Variants in FGGY observed in about 807,000 individuals in gnomAD.
FGGY encodes FGGY carbohydrate kinase domain containing.
A neutral mutation model predicts 71.3 loss-of-function variants in FGGY; 72 were observed. That is an observed-to-expected ratio of 1.01 (90% confidence interval 0.84 to 1.23). The LOEUF is 1.23. FGGY is among the 50% of genes most tolerant of loss of function. FGGY has a pLI of 0.00. For missense variants in FGGY, 668 were observed against 682.3 expected, an observed-to-expected ratio of 0.98 and a Z score of 0.23; for synonymous variants, 251 against 250.3, an observed-to-expected ratio of 1.00 and a Z score of -0.02.
chr1:59,686,752 G>A (rs771860517), intron 14 of FGGY, among the ~76,000 whole-genome samples: 1 of 151,844 alleles, frequency 6.6e-6, no homozygotes, highest in Non-Finnish European at 1.5e-5. Flanking sequence ...GTAATAAATC[G>A]AGCTGTATTT....
chr1:59,673,967 G>A, intron 13 of FGGY, 72 bp from the exon 14 acceptor site: 1 of 1,376,408 alleles, frequency 7.3e-7, no homozygotes, highest in Non-Finnish European at 1.0e-6. Context: ...TTTTGCCACT[G>A]CGGCTGCTTG....
rs747580458 is a variant in FGGY at position 59,607,900 on chromosome 1, C to T, written c.1001C>T (p.Thr334Ile). 20 of 1,613,630 alleles carry T rather than the reference C, an allele frequency of 1.2e-5. No homozygotes were observed. The highest frequency in any genetic ancestry group is 1.7e-6 in the Non-Finnish European group (2 of 1,179,610). The change falls in exon 9 of 16, where the codon ACT becomes ATT. Residue 334 changes from threonine to isoleucine, a missense_variant. Thr to Ile is a moderately conservative substitution (Grantham distance 89). Coordinates refer to ENST00000303721, the MANE Select transcript of FGGY (RefSeq NM_018291.5). Reference protein sequence around the residue: ...FWLNEGGQSVTGKLIDHMVQG... With the variant: ...FWLNEGGQSVIGKLIDHMVQG... ...CTGAATGAAGGTGGTCAGAGCGTTACTGGAAAATTGGTAAGTTGACACTTT... is the reference window on the plus strand; with the variant it reads ...CTGAATGAAGGTGGTCAGAGCGTTATTGGAAAATTGGTAAGTTGACACTTT...
At chr1:59,614,482 A>G (rs1365588394) in intron 9 of FGGY, among the ~76,000 whole-genome samples, 2 of 152,230 alleles carry the variant, frequency 1.3e-5, no homozygotes, top group African/African-American at 4.8e-5. Flanking sequence ...TAAATTAGGT[A>G]TTTATGGGAC....
intron 14 of FGGY, among the ~76,000 whole-genome samples, chr1:59,688,719 C>A (rs2153999376): frequency 6.6e-6 from 1 of 151,700 alleles, no homozygotes; most frequent in South Asian, 2.1e-4. Context: ...AGAACTGGAC[C>A]ATATGTAGTA....
chr1:59,512,995 A>G (rs1338151194), intron 7 of FGGY, among the ~76,000 whole-genome samples: 2 of 152,204 alleles, frequency 1.3e-5, no homozygotes, highest in Non-Finnish European at 2.9e-5. Flanking sequence ...AAAACCAAAT[A>G]AAACCAAAGT....
intron 4 of FGGY, among the ~76,000 whole-genome samples, chr1:59,372,225 A>C (rs528315418): frequency 6.6e-6 from 1 of 152,322 alleles, no homozygotes; most frequent in Admixed American, 6.5e-5. Context: ...GATAAAGGGA[A>C]TATCACCACC....
At chr1:59,696,997 A>G (rs991428420) in intron 14 of FGGY, among the ~76,000 whole-genome samples, 2 of 152,200 alleles carry the variant, frequency 1.3e-5, no homozygotes, top group East Asian at 1.9e-4. Context: ...ATGAAAAAAA[A>G]AAACCCTTTA....
intron 7 of FGGY, among the ~76,000 whole-genome samples, chr1:59,513,996 T>A (rs2094578723): frequency 6.6e-6 from 1 of 152,242 alleles, no homozygotes; most frequent in Non-Finnish European, 1.5e-5. Context: ...GTTGGTTGAA[T>A]GCTATGTAAC....
intron 5 of FGGY, among the ~76,000 whole-genome samples, chr1:59,445,170 C>T (rs2070936933): frequency 6.6e-6 from 1 of 152,126 alleles, no homozygotes; most frequent in South Asian, 2.1e-4. Context: ...AAATAAATGG[C>T]TCTTTTGCTC....
chr1:59,372,331 C>T (rs1384083887), intron 4 of FGGY, among the ~76,000 whole-genome samples: 1 of 152,308 alleles, frequency 6.6e-6, no homozygotes, highest in East Asian at 1.9e-4. Context: ...AATTACTTGA[C>T]ACATACACTC....
chr1:59,426,507 A>G (rs2066392350), intron 5 of FGGY, among the ~76,000 whole-genome samples: 1 of 152,178 alleles, frequency 6.6e-6, no homozygotes, highest in African/African-American at 2.4e-5. Context: ...TGAAAAATAA[A>G]TTTCACAATA....
intron 14 of FGGY, among the ~76,000 whole-genome samples, chr1:59,751,547 T>C (rs2098245326): frequency 6.6e-6 from 1 of 152,266 alleles, no homozygotes; most frequent in South Asian, 2.1e-4. Flanking sequence ...GATGGCTTCA[T>C]GCTAATATTA....
intron 5 of FGGY, among the ~76,000 whole-genome samples, chr1:59,381,291 A>C (rs1048650082): frequency 2.0e-5 from 3 of 152,200 alleles, no homozygotes; most frequent in African/African-American, 7.2e-5. Flanking sequence ...TTTCGGTTCC[A>C]TGTGAACTTT....
chr1:59,335,094 A>G (rs2049219532), intron 2 of FGGY, among the ~76,000 whole-genome samples: 3 of 152,168 alleles, frequency 2.0e-5, no homozygotes, highest in African/African-American at 2.4e-5. Flanking sequence ...TATGATTTAT[A>G]TATCATAAAA....
chr1:59,709,820 G>C (rs2097781530), intron 14 of FGGY, among the ~76,000 whole-genome samples: 1 of 152,178 alleles, frequency 6.6e-6, no homozygotes, highest in Non-Finnish European at 1.5e-5. Flanking sequence ...CAGGCCTTCT[G>C]TCTCAACCTA....
At position 59,488,022 on chromosome 1, in the gene FGGY, T is replaced by A. The variant is rs1272165606; in HGVS notation, c.671-24289T>A. ...ACAATTTTAGTTCACTTTGCCTTTT[T>A]TTGTGCCATTTTAACGCAGTTGAAA... On this transcript the variant is annotated intron_variant, in intron 6 of 15. Coordinates refer to ENST00000303721, the MANE Select transcript of FGGY (RefSeq NM_018291.5). Among the ~76,000 whole-genome samples the A allele has an allele frequency of 2.6e-5, 4 of 152,196 alleles. No homozygotes were observed. The East Asian group carries it at 7.7e-4, about 29-fold the overall frequency.
At chr1:59,611,058 C>T (rs1325677311) in intron 9 of FGGY, among the ~76,000 whole-genome samples, 1 of 152,236 alleles carries the variant, frequency 6.6e-6, no homozygotes, top group Admixed American at 6.5e-5. Flanking sequence ...AGGAGACCTG[C>T]CTGCCTCTGT....
chr1:59,692,011 AC>A (rs1244249492), intron 14 of FGGY, among the ~76,000 whole-genome samples: 1 of 152,114 alleles, frequency 6.6e-6, no homozygotes, highest in Non-Finnish European at 1.5e-5. Context: ...TTCAACAAAT[AC>A]CCCCAAGGTA....
intron 14 of FGGY, among the ~76,000 whole-genome samples, chr1:59,698,463 A>G (rs373633519): frequency 6.6e-6 from 1 of 151,866 alleles, no homozygotes; most frequent in South Asian, 2.1e-4. Context: ...CCCATTACCA[A>G]AGTGTTTCTA....
Sources: allele counts gnomAD v4.1 joint callset (sites outside exome capture counted in the v4.1 genomes callset), GRCh38; gene constraint gnomAD v4.1.1; transcripts MANE v1.5; gene names NCBI Gene and HGNC (gene_info 2026-07-23, HGNC 2026-07-21).